The following CENPE variants were observed in gnomAD, a reference collection of about 807,000 sequenced individuals.
CENPE encodes the protein centromere-associated protein E.
In CENPE, 145 loss-of-function variants were observed where a neutral mutation model predicts 336.1. The ratio of observed to expected loss-of-function variants is 0.43; its 90% CI spans 0.38 to 0.50. The LOEUF (loss-of-function observed/expected upper bound fraction) is 0.50. Ranked by LOEUF, CENPE falls within the 20% of genes least tolerant of loss-of-function variation. The probability of loss-of-function intolerance (pLI) is 0.00; values close to 1 mark genes in which losing one functional copy is unlikely to be tolerated. For synonymous variants in CENPE, 1,013 were observed against 984.8 expected (o/e 1.03, Z -0.54); for missense variants, 2,719 against 3,023.3 (o/e 0.90, Z 2.36).
At chr4:103,116,120 T>C (rs1489731557) in intron 45 of CENPE, among the ~76,000 whole-genome samples, 1 of 152,012 alleles carries the variant, frequency 6.6e-6, no homozygotes, top group African/African-American at 2.4e-5. Context: ...AATAAATCAA[T>C]AAAAAGAGGA....
chr4:103,107,290 C>A (rs965168938), intron 48 of CENPE, among the ~76,000 whole-genome samples: 1 of 152,132 alleles, frequency 6.6e-6, no homozygotes, highest in Admixed American at 6.5e-5. Context: ...TGTTTTTATT[C>A]CAAATGTTTC....
chr4:103,173,816 T>C (rs375040319), intron 16 of CENPE, among the ~76,000 whole-genome samples: 106 of 152,042 alleles, frequency 7.0e-4, no homozygotes, highest in African/African-American at 2.5e-3. Flanking sequence ...AAAACCACAG[T>C]GAGGTATTGC....
At chr4:103,179,339 C>T (rs1756140721) in intron 13 of CENPE, among the ~76,000 whole-genome samples, 1 of 152,194 alleles carries the variant, frequency 6.6e-6, no homozygotes, top group African/African-American at 2.4e-5. Flanking sequence ...GTTAGCAAAA[C>T]ATCACATTCA....
Position 103,149,834 on chromosome 4 carries a change from T to C in CENPE, c.3397-426A>G, listed in dbSNP as rs549128033. Reference sequence around the variant, plus strand: ...GAAGAAGTAAGGAATGATTCTTCCTTAGAGCCTTCAGAGGGAATATGGTAT... The same window carrying C: ...GAAGAAGTAAGGAATGATTCTTCCTCAGAGCCTTCAGAGGGAATATGGTAT... On this transcript the variant is annotated intron_variant, in intron 26 of 48. Coordinates refer to ENST00000265148, the MANE Select transcript of CENPE (RefSeq NM_001813.3). Among the ~76,000 whole-genome samples the C allele has an allele frequency of 2.0e-5, 3 of 152,274 alleles. No individual in the cohort carries two copies. In the South Asian group the frequency reaches 6.2e-4, roughly 32 times the overall value.
At position 103,108,899 on chromosome 4, in the gene CENPE, A is replaced by T; in HGVS notation, c.7915T>A (p.Ser2639Thr). 6.2e-7 allele frequency: 1 copy of T among 1,613,936 alleles called. No individual in the cohort carries two copies. The highest frequency in any genetic ancestry group is 1.3e-5 in the African/African-American group (1 of 75,046). ...CTATCAAAAAAACAAGATTTTGGTGATTCCTTTGGCACAGGATCTTGTAAA... is the reference window on the plus strand; with the variant it reads ...CTATCAAAAAAACAAGATTTTGGTGTTTCCTTTGGCACAGGATCTTGTAAA... ...RNLQDPVPKE[S>T]PKSCFFDSRS... Residue 2639 changes from serine to threonine, a missense_variant, in exon 48 of 49, where the codon TCA (serine) becomes ACA (threonine). This residue lies in a region of CENPE where 2,437 missense variants were observed against 2,513.3 expected (regional missense o/e 0.97). Transcript: ENST00000265148.
At chr4:103,125,550 TAGC>T (rs1288048477) in intron 42 of CENPE, among the ~76,000 whole-genome samples, 1 of 152,066 alleles carries the variant, frequency 6.6e-6, no homozygotes, top group African/African-American at 2.4e-5. Context: ...ATTTCTAGTT[TAGC>T]ATTTTAGGTG....
At chr4:103,146,134 T>G (rs1753036837) in intron 29 of CENPE, 27 bp from the exon 30 acceptor site, 1 of 1,591,364 alleles carries the variant, frequency 6.3e-7, no homozygotes. Context: ...AACAGTACAG[T>G]TGATATCCAG....
intron 47 of CENPE, 57 bp downstream of exon 47, chr4:103,110,771 C>A: frequency 7.4e-7 from 1 of 1,348,230 alleles, no homozygotes; most frequent in Non-Finnish European, 1.0e-6. Flanking sequence ...ATACCATGTC[C>A]CTACATATAT....
chr4:103,195,425 C>T (rs890024095), intron 4 of CENPE, among the ~76,000 whole-genome samples, 192 bp from the exon 5 acceptor site: 28 of 151,934 alleles, frequency 1.8e-4, no homozygotes, highest in Non-Finnish European at 5.9e-5. Flanking sequence ...AAGTGAAGTA[C>T]CATAAAGCTG....
intron 22 of CENPE, 50 bp from the exon 23 acceptor site, chr4:103,158,936 A>T (rs750344994): frequency 6.4e-7 from 1 of 1,556,778 alleles, no homozygotes; most frequent in South Asian, 1.3e-5. Context: ...GAGCAGTCTG[A>T]GGCATACATA....
chr4:103,129,986 A>G (rs1751447844), intron 42 of CENPE, among the ~76,000 whole-genome samples: 1 of 152,194 alleles, frequency 6.6e-6, no homozygotes, highest in Non-Finnish European at 1.5e-5. Context: ...TCATAATTTA[A>G]AACTCTCAGC....
chr4:103,136,433 A>G, intron 39 of CENPE, 74 bp from the exon 40 acceptor site: 3 of 1,003,482 alleles, frequency 3.0e-6, no homozygotes, highest in Non-Finnish European at 4.3e-6. Flanking sequence ...CAACTCTAGA[A>G]TTGTAACAAA....
chr4:103,146,977 C>T lies in CENPE; in HGVS notation c.4134+379G>A, dbSNP rs145629136. Among the ~76,000 whole-genome samples the T allele has an allele frequency of 5.6e-3, 848 of 152,268 alleles. 10 individuals carry two copies. Among genetic ancestry groups the T allele is most frequent in the African/African-American group, 0.019 (807 of 41,546 alleles). On this transcript the variant is annotated intron_variant, in intron 29 of 48. Transcript: ENST00000265148. ...GAAGGAGGCATATTAGTAGGGATAGCTCCCAGATTTCTGACTAAAACAATG... is the reference window on the plus strand; with the variant it reads ...GAAGGAGGCATATTAGTAGGGATAGTTCCCAGATTTCTGACTAAAACAATG...
intron 46 of CENPE, among the ~76,000 whole-genome samples, 194 bp downstream of exon 46, chr4:103,114,261 A>G (rs1407794812): frequency 1.3e-5 from 2 of 152,192 alleles, no homozygotes; most frequent in African/African-American, 4.8e-5. Context: ...TATAATGGAT[A>G]AGCATCTAAG....
intron 16 of CENPE, among the ~76,000 whole-genome samples, chr4:103,173,184 C>T (rs765444331): frequency 1.4e-4 from 21 of 151,832 alleles, no homozygotes; most frequent in African/African-American, 2.4e-4. Flanking sequence ...GAACAGAGAA[C>T]GCGGAAATAA....
intron 42 of CENPE, among the ~76,000 whole-genome samples, chr4:103,131,936 G>T (rs1003464079): frequency 6.6e-6 from 1 of 152,166 alleles, no homozygotes; most frequent in African/African-American, 2.4e-5. Flanking sequence ...AGTTGCCAGG[G>T]TTTAGGAAGG....
intron 9 of CENPE, among the ~76,000 whole-genome samples, chr4:103,184,032 T>C (rs1388986279): frequency 1.3e-5 from 2 of 152,226 alleles, no homozygotes; most frequent in South Asian, 2.1e-4. Context: ...CCATCCCCTG[T>C]TGAAGGACAT....
chr4:103,114,363 G>T lies in CENPE; in HGVS notation c.7540+92C>A. ...TAGTGGCCAACTTCTGTTTACTCTCGACTGTCACATACTACATAATATTAG... is the reference window on the plus strand; with the variant it reads ...TAGTGGCCAACTTCTGTTTACTCTCTACTGTCACATACTACATAATATTAG... On this transcript the variant is annotated intron_variant, in intron 46 of 48. Coordinates refer to ENST00000265148, the MANE Select transcript of CENPE (RefSeq NM_001813.3). The T allele has an allele frequency of 5.6e-6, 4 of 711,210 alleles. No homozygotes were observed. In the South Asian group the frequency reaches 7.1e-5, roughly 13 times the overall value. 44.1% of individuals were successfully genotyped at this position (711,210 alleles called of 1,614,324 possible). A position where few individuals can be genotyped will look rare whatever the true frequency, so the allele number is the denominator to read the frequency against.
In CENPE at chr4:103,148,997, G is replaced by T. The variant is rs761003546; in HGVS notation, c.3690C>A (p.Gly1230=). 1.9e-6 allele frequency: 3 copies of T among 1,608,638 alleles called. No homozygotes were observed. Among genetic ancestry groups the T allele is most frequent in the Non-Finnish European group, 2.5e-6 (3 of 1,178,790 alleles). The change falls in exon 28 of 49, where the codon GGC becomes GGA. Residue 1230 remains glycine (G), a splice_region_variant and synonymous_variant. Coordinates refer to ENST00000265148, the MANE Select transcript of CENPE (RefSeq NM_001813.3). ...TTTTTAGTTCTTCTTTGGTTTGTAGGCCCTTGGCGAGTGAAATTTAAAGAA... is the reference window on the plus strand; with the variant it reads ...TTTTTAGTTCTTCTTTGGTTTGTAGTCCCTTGGCGAGTGAAATTTAAAGAA... ...RGYIREIEAT[G]LQTKEELKIA...
Sources: gnomAD v4.1 joint callset for allele counts (sites outside exome capture counted in the v4.1 genomes callset) on GRCh38, gnomAD v4.1.1 for gene constraint, gnomAD v4.1.1 regional missense constraint, MANE v1.5 for transcripts, NCBI Gene and HGNC (gene_info 2026-07-23, HGNC 2026-07-21) for gene names.